The following SIPA1L1 variants were observed in gnomAD, a reference collection of about 807,000 sequenced individuals.
The protein encoded by SIPA1L1 is signal-induced proliferation-associated 1-like protein 1.
SIPA1L1 carries 26 observed loss-of-function variants against 162.7 expected under a neutral mutation model. The ratio of observed to expected loss-of-function variants is 0.16; its 90% CI spans 0.12 to 0.22. The LOEUF (loss-of-function observed/expected upper bound fraction) is 0.22, where lower values mean the gene tolerates loss of function less well. Ranked by LOEUF, SIPA1L1 falls within the 10% of genes least tolerant of loss-of-function variation. SIPA1L1 has a pLI of 1.00. For missense variants in SIPA1L1, 1,874 were observed against 2,241.0 expected, an observed-to-expected ratio of 0.84 and a Z score of 3.31; for synonymous variants, 829 against 837.4, an observed-to-expected ratio of 0.99 and a Z score of 0.17.
At chr14:71,661,247 A>T (rs1405109994) in intron 9 of SIPA1L1, 63 bp from the exon 10 acceptor site, 1 of 1,550,496 alleles carries the variant, frequency 6.4e-7, no homozygotes, top group Non-Finnish European at 8.8e-7. Context: ...TATATAAGGG[A>T]ATTGGGGTGG....
At chr14:71,724,997 G>A (rs977293650) in intron 19 of SIPA1L1, among the ~76,000 whole-genome samples, 162 bp downstream of exon 19, 3 of 152,188 alleles carry the variant, frequency 2.0e-5, no homozygotes, top group Non-Finnish European at 4.4e-5. Context: ...GGTCCACAGT[G>A]TTTGACAGTG....
Position 71,739,292 on chromosome 14 carries a change from G to T in SIPA1L1, c.*131G>T, listed in dbSNP as rs2085601601. ...TTCCTACTCTGCCCCCTTTCGGGGA[G>T]TGCACAACACAATAGTTGCAGATCA... On this transcript the variant is annotated 3_prime_UTR_variant, in exon 24 of 24. Transcript: ENST00000381232. 2 of 728,734 alleles carry T rather than the reference G, an allele frequency of 2.7e-6. No homozygotes were observed. The highest frequency in any genetic ancestry group is 4.1e-6 in the Non-Finnish European group (2 of 490,328). The allele number at this position is 728,734 out of a possible 1,614,324, so 45.1% of individuals were successfully genotyped here. A position where few individuals can be genotyped will look rare whatever the true frequency, so the allele number is the denominator to read the frequency against.
intron 10 of SIPA1L1, among the ~76,000 whole-genome samples, chr14:71,669,955 GA>G (rs1409215921): frequency 1.3e-5 from 2 of 151,376 alleles, no homozygotes; most frequent in African/African-American, 2.4e-5. Flanking sequence ...CCTTCCTAAA[GA>G]AAAAAAAGTG....
intron 4 of SIPA1L1, among the ~76,000 whole-genome samples, chr14:71,577,391 T>C (rs1223825956): frequency 3.3e-5 from 5 of 151,996 alleles, no homozygotes; most frequent in Admixed American, 1.3e-4. Context: ...TTTTTTTTTT[T>C]TTTGGAGACA....
intron 2 of SIPA1L1, among the ~76,000 whole-genome samples, chr14:71,491,405 C>T (rs1027702426): frequency 6.6e-6 from 1 of 152,064 alleles, no homozygotes; most frequent in South Asian, 2.1e-4. Context: ...TGACATTGTA[C>T]TTATCTTCAT....
At chr14:71,678,206 C>T (rs1273439555) in intron 12 of SIPA1L1, among the ~76,000 whole-genome samples, 1 of 152,158 alleles carries the variant, frequency 6.6e-6, no homozygotes, top group Non-Finnish European at 1.5e-5. Context: ...AGAGGGCATC[C>T]CTGTCTTGTG....
At chr14:71,658,840 G>A (rs893517211) in intron 9 of SIPA1L1, among the ~76,000 whole-genome samples, 19 of 152,188 alleles carry the variant, frequency 1.2e-4, no homozygotes, top group Non-Finnish European at 2.2e-4. Flanking sequence ...GATTTCAAAG[G>A]AGATATAAAA....
chr14:71,348,069 C>T (rs2036338510), intron 2 of SIPA1L1, among the ~76,000 whole-genome samples: 1 of 151,952 alleles, frequency 6.6e-6, no homozygotes, highest in Non-Finnish European at 1.5e-5. Flanking sequence ...CTGTGGCTTG[C>T]AGGAAAAAAA....
intron 6 of SIPA1L1, among the ~76,000 whole-genome samples, chr14:71,623,697 T>C (rs2039679571): frequency 6.6e-6 from 1 of 152,218 alleles, no homozygotes; most frequent in South Asian, 2.1e-4. Flanking sequence ...GGTTCTGCCT[T>C]CTTAATTTCC....
intron 7 of SIPA1L1, among the ~76,000 whole-genome samples, chr14:71,639,699 A>G (rs2041510931): frequency 6.6e-6 from 1 of 152,204 alleles, no homozygotes; most frequent in African/African-American, 2.4e-5. Context: ...AGTAGTCAAG[A>G]CTGTGTGGCA....
intron 2 of SIPA1L1, among the ~76,000 whole-genome samples, chr14:71,470,970 T>G (rs1288624892): frequency 6.6e-6 from 1 of 152,102 alleles, no homozygotes; most frequent in African/African-American, 2.4e-5. Context: ...CCCGAGTAGC[T>G]GGGACTACAG....
intron 4 of SIPA1L1, among the ~76,000 whole-genome samples, chr14:71,544,137 A>ATACATATATGCACGTGTATGTATG (rs2054866194): frequency 1.3e-5 from 2 of 150,760 alleles, no homozygotes; most frequent in Non-Finnish European, 3.0e-5. Context: ...GTGTATGTAT[A>ATACATATATGCACGTGTATGTATG]TACATATATG....
chr14:71,736,080 T>C (rs558402641), intron 22 of SIPA1L1, among the ~76,000 whole-genome samples: 1 of 152,354 alleles, frequency 6.6e-6, no homozygotes, highest in East Asian at 1.9e-4. Flanking sequence ...AATAATTTCA[T>C]TCATTTGAAA....
chr14:71,665,894 T>G (rs954112006), intron 10 of SIPA1L1, among the ~76,000 whole-genome samples: 1 of 152,162 alleles, frequency 6.6e-6, no homozygotes, highest in African/African-American at 2.4e-5. Context: ...TTAATAATAG[T>G]TATATGAATG....
chr14:71,406,469 T>G (rs886563361), intron 2 of SIPA1L1, among the ~76,000 whole-genome samples: 3 of 152,220 alleles, frequency 2.0e-5, no homozygotes, highest in Admixed American at 6.5e-5. Context: ...TGTGCTTTTC[T>G]GGGAAGAACA....
intron 2 of SIPA1L1, among the ~76,000 whole-genome samples, chr14:71,350,625 T>C (rs1408287912): frequency 6.6e-6 from 1 of 152,026 alleles, no homozygotes; most frequent in Non-Finnish European, 1.5e-5. Flanking sequence ...ATGTGGAAAA[T>C]GTACTGATCT....
chr14:71,412,496 G>T (rs1247496362), intron 2 of SIPA1L1, among the ~76,000 whole-genome samples: 1 of 152,150 alleles, frequency 6.6e-6, no homozygotes. Context: ...CTGTTGCGGG[G>T]TCTTACCGAG....
intron 2 of SIPA1L1, among the ~76,000 whole-genome samples, chr14:71,472,002 C>T (rs569947882): frequency 4.6e-5 from 7 of 152,294 alleles, no homozygotes; most frequent in Middle Eastern, 6.8e-3. Flanking sequence ...GTGTTTGTAT[C>T]GTACCTTCAT....
intron 2 of SIPA1L1, among the ~76,000 whole-genome samples, chr14:71,497,654 G>GGT (rs2049896092): frequency 6.6e-6 from 1 of 152,208 alleles, no homozygotes; most frequent in African/African-American, 2.4e-5. Context: ...GCTTGCCTTT[G>GGT]AGATTCATCC....
Sources: allele counts gnomAD v4.1 joint callset (sites outside exome capture counted in the v4.1 genomes callset), GRCh38; gene constraint gnomAD v4.1.1; transcripts MANE v1.5; gene names NCBI Gene and HGNC (gene_info 2026-07-23, HGNC 2026-07-21).